Variants in RASIP1 observed in about 807,000 individuals in gnomAD.
The protein encoded by RASIP1 is Ras interacting protein 1.
A neutral mutation model predicts 85.3 loss-of-function variants in RASIP1; 20 were observed. That is an observed-to-expected ratio of 0.23 (90% CI 0.17 to 0.34). The LOEUF is 0.34. Among genes scored for constraint, RASIP1 ranks in the 10% least tolerant of loss-of-function variants. The pLI, the probability that RASIP1 is intolerant of heterozygous loss-of-function variation, is 1.00. For missense variants in RASIP1, 1,170 were observed against 1,390.9 expected (o/e 0.84, Z 2.53); for synonymous variants, 617 against 647.1 (o/e 0.95, Z 0.71).
chr19:48,722,559 A>G (rs1248714706), intron 10 of RASIP1, among the ~76,000 whole-genome samples: 1 of 152,074 alleles, frequency 6.6e-6, no homozygotes, highest in Non-Finnish European at 1.5e-5. Context: ...TCAAAGTTCT[A>G]GGATTACAGG....
Position 48,728,966 on chromosome 19 carries a change from G to A in RASIP1, c.1804C>T (p.Leu602=), listed in dbSNP as rs1466316182. 4.1e-6 allele frequency: 6 copies of A among 1,461,852 alleles called. No homozygotes were observed. The highest frequency in any genetic ancestry group is 5.4e-6 in the Non-Finnish European group (6 of 1,115,944). The allele number at this position is 1,461,852 out of a possible 1,614,324, so 90.6% of individuals were successfully genotyped here. Residue 602 remains leucine (L), a synonymous_variant, in exon 5 of 12, where the codon CTG becomes TTG. Coordinates refer to ENST00000222145, the MANE Select transcript of RASIP1 (RefSeq NM_017805.3). ...LGHLPRLLGR[L]ARLIKEAVWE... ...ACGGCCTCCTTGATGAGCCGGGCCAGGCGGCCCAGCAGTCGTGGCAGGTGG... is the reference window on the plus strand; with the variant it reads ...ACGGCCTCCTTGATGAGCCGGGCCAAGCGGCCCAGCAGTCGTGGCAGGTGG...
At position 48,733,640 on chromosome 19, in the gene RASIP1, C is replaced by G. The variant is rs372420107; in HGVS notation, c.1179+1556G>C. Among the ~76,000 whole-genome samples the G allele has an allele frequency of 1.2e-4, 19 of 152,160 alleles. No homozygotes were observed. In the South Asian group the frequency reaches 3.9e-3, roughly 32 times the overall value. On this transcript the variant is annotated intron_variant, in intron 4 of 11. Coordinates refer to ENST00000222145, the MANE Select transcript of RASIP1 (RefSeq NM_017805.3). ...TGGCCAACATGGCGACACCCTGTCT[C>G]TACTAAAAATGCAAAATTTAGCTGG...
At chr19:48,729,784 G>A (rs1289343755) in intron 4 of RASIP1, among the ~76,000 whole-genome samples, 194 bp from the exon 5 acceptor site, 6 of 140,136 alleles carry the variant, frequency 4.3e-5, no homozygotes, top group Admixed American at 7.8e-5. Context: ...GCACGATCTC[G>A]GCTCACTGCA....
intron 4 of RASIP1, among the ~76,000 whole-genome samples, chr19:48,732,948 G>C (rs1162709217): frequency 1.3e-5 from 2 of 152,182 alleles, no homozygotes; most frequent in Non-Finnish European, 2.9e-5. Flanking sequence ...ATTGGTCCCA[G>C]CTGTACTTGT....
intron 5 of RASIP1, among the ~76,000 whole-genome samples, chr19:48,728,533 A>G (rs1016586544): frequency 2.6e-5 from 4 of 152,164 alleles, no homozygotes; most frequent in African/African-American, 9.7e-5. Flanking sequence ...TGGGAGGCCG[A>G]GGCGGGCGAA....
intron 8 of RASIP1, chr19:48,725,383 A>G (rs1461708763): frequency 5.9e-6 from 1 of 168,098 alleles, no homozygotes; most frequent in Non-Finnish European, 1.3e-5. Flanking sequence ...GAAACAGAAG[A>G]AATAAACGCA....
chr19:48,726,515 C>T (rs1296162539), intron 8 of RASIP1, among the ~76,000 whole-genome samples: 1 of 152,140 alleles, frequency 6.6e-6, no homozygotes, highest in African/African-American at 2.4e-5. Flanking sequence ...TGTGAGCCAC[C>T]GCGTTTGCCC....
rs544984149 is a variant in RASIP1, at chr19:48,732,649, C to G, written c.1179+2547G>C. ...GAATATGTCCTTCCAATTTGACCAC[C>G]TTCCCAAAAGAGACCTTCGTGTTCT... On this transcript the variant is annotated intron_variant, in intron 4 of 11. Transcript: ENST00000222145. Among the ~76,000 whole-genome samples the G allele has an allele frequency of 2.6e-5, 4 of 152,270 alleles. No homozygotes were observed. In the East Asian group the frequency reaches 5.8e-4, roughly 22 times the overall value.
At chr19:48,726,223 C>A (rs906000752) in intron 8 of RASIP1, among the ~76,000 whole-genome samples, 1 of 151,900 alleles carries the variant, frequency 6.6e-6, no homozygotes, top group Non-Finnish European at 1.5e-5. Context: ...CTGCATCCGG[C>A]GTTATATTAC....
At chr19:48,721,131 G>C in intron 11 of RASIP1, 134 bp from the exon 12 acceptor site, 1 of 749,330 alleles carries the variant, frequency 1.3e-6, no homozygotes, top group Non-Finnish European at 2.1e-6. Flanking sequence ...GGCGGGGTCC[G>C]TTCACACGCT....
chr19:48,727,020 C>T lies in RASIP1; in HGVS notation c.2010G>A (p.Glu670=), dbSNP rs751657266. 57 of 1,614,070 alleles carry T rather than the reference C, an allele frequency of 3.5e-5. No homozygotes were observed. Among genetic ancestry groups the T allele is most frequent in the Non-Finnish European group, 2.5e-6 (3 of 1,180,046 alleles). Residue 670 remains glutamate (E), a synonymous_variant, in exon 7 of 12, where the codon GAG becomes GAA. Transcript: ENST00000222145. Reference sequence around the variant, plus strand: ...GTCAGAGCTCACCCTCTTGGTCAGCCTCCTTCTCCATTTCCAGCACCTTCT... The same window carrying T: ...GTCAGAGCTCACCCTCTTGGTCAGCTTCCTTCTCCATTTCCAGCACCTTCT... The part of the protein sequence containing the change: ...VQEKVLEMEK[E]ADQEDPQLCN...
At chr19:48,721,176 G>C (rs2033230142) in intron 11 of RASIP1, among the ~76,000 whole-genome samples, 179 bp from the exon 12 acceptor site, 1 of 152,154 alleles carries the variant, frequency 6.6e-6, no homozygotes. Context: ...GGAAGTTGTA[G>C]TTCAGACGAT....
chr19:48,739,691 C>A lies in RASIP1; in HGVS notation c.138-46G>T. On this transcript the variant is annotated intron_variant, in intron 2 of 11. Coordinates refer to ENST00000222145, the MANE Select transcript of RASIP1 (RefSeq NM_017805.3). This position sits in a 1 kb window ranked among gnomAD's most constrained non-coding sequence, Gnocchi z 9.2. ...AGAGTCGCGGGAGAGAGACCCAGGA[C>A]GACACGCCAAGACGGGGGTGGGGGC... The A allele has an allele frequency of 7.4e-7, 1 of 1,357,198 alleles. No homozygotes were observed. Among genetic ancestry groups the A allele is most frequent in the Non-Finnish European group, 9.5e-7 (1 of 1,056,094 alleles). The allele number at this position is 1,357,198 out of a possible 1,614,324, so 84.1% of individuals were successfully genotyped here. A position where few individuals can be genotyped will look rare whatever the true frequency, so the allele number is the denominator to read the frequency against.
chr19:48,735,834 C>G (rs775038259), intron 3 of RASIP1, among the ~76,000 whole-genome samples: 6 of 151,084 alleles, frequency 4.0e-5, no homozygotes, highest in Admixed American at 6.6e-5. Context: ...CTCGCTCTGT[C>G]GCCCAGGCTG....
Position 48,740,170 on chromosome 19 carries a change from C to T in RASIP1, c.113G>A (p.Arg38His), listed in dbSNP as rs1202970542. Reference protein sequence around the residue: ...PRKQLAKLGRRWPSAASVKSS... With the variant: ...PRKQLAKLGRHWPSAASVKSS... ...CTTGACAGAGGCTGCGCTGGGCCAG[C>T]GCCGCCCCAGCTTCGCCAGCTGCTT... The change falls in exon 2 of 12, where the codon CGC (arginine) becomes CAC (histidine). Residue 38 changes from arginine to histidine, a missense_variant. Around this residue, in one of 4 missense-constraint regions of RASIP1, gnomAD observed 299 missense variants for 394.4 expected, o/e 0.76. Coordinates refer to ENST00000222145, the MANE Select transcript of RASIP1 (RefSeq NM_017805.3). This position sits in a 1 kb window ranked among gnomAD's most constrained non-coding sequence, Gnocchi z 5.5. 5 of 1,594,580 alleles carry T rather than the reference C, an allele frequency of 3.1e-6. No homozygotes were observed. Among genetic ancestry groups the T allele is most frequent in the Non-Finnish European group, 4.3e-6 (5 of 1,173,136 alleles).
chr19:48,722,598 A>G (rs960456852), intron 10 of RASIP1, among the ~76,000 whole-genome samples: 16 of 152,146 alleles, frequency 1.1e-4, no homozygotes, highest in Non-Finnish European at 2.4e-4. Flanking sequence ...GTTGGGATTC[A>G]TTATTCTATG....
intron 11 of RASIP1, 143 bp downstream of exon 11, chr19:48,721,711 G>A: frequency 1.8e-6 from 2 of 1,110,220 alleles, no homozygotes; most frequent in East Asian, 5.7e-5. Flanking sequence ...GCTGAGGCAG[G>A]AGAATCGCTT....
chr19:48,722,634 A>G (rs1042082742), intron 10 of RASIP1, among the ~76,000 whole-genome samples: 4 of 152,162 alleles, frequency 2.6e-5, no homozygotes, highest in East Asian at 3.9e-4. Context: ...CTGTTTGACA[A>G]TGTCTACACC....
chr19:48,730,845 T>A (rs1228558787), intron 4 of RASIP1, among the ~76,000 whole-genome samples: 1 of 152,130 alleles, frequency 6.6e-6, no homozygotes, highest in African/African-American at 2.4e-5. Flanking sequence ...CGGTGAAACC[T>A]GTCTCTACTA....
Sources: allele counts gnomAD v4.1 joint callset (sites outside exome capture counted in the v4.1 genomes callset), GRCh38; gene constraint gnomAD v4.1.1; regional missense constraint gnomAD v4.1.1; non-coding constraint Gnocchi (gnomAD v3.1); transcripts MANE v1.5; gene names NCBI Gene and HGNC (gene_info 2026-07-23, HGNC 2026-07-21).